Variants in ELP4 observed in about 807,000 individuals in gnomAD.
The protein encoded by ELP4 is elongator acetyltransferase complex subunit 4, also known as elongator complex protein 4.
Under a neutral mutation model 48.9 loss-of-function variants are expected in ELP4, and 51 were observed. The observed-to-expected ratio is 1.04, with a 90% CI of 0.83 to 1.32. The LOEUF is 1.32. Ranked by LOEUF, ELP4 falls within the 40% of genes most tolerant of loss-of-function variation. ELP4 has a pLI of 0.00. For missense variants in ELP4, 519 were observed against 514.6 expected (o/e 1.01, Z -0.08); for synonymous variants, 210 against 189.2 (o/e 1.11, Z -0.90).
Position 31,789,719 on chromosome 11 carries a change from G to A in ELP4, c.*6195G>A. 1.4e-6 allele frequency: 1 copy of A among 704,400 alleles called. No homozygotes were observed. Among genetic ancestry groups the A allele is most frequent in the Non-Finnish European group, 2.6e-6 (1 of 385,318 alleles). 43.6% of individuals were successfully genotyped at this position (704,400 alleles called of 1,614,324 possible). A position where few individuals can be genotyped will look rare whatever the true frequency, so the allele number is the denominator to read the frequency against. ...ATAAAAGTTTGGATACCAAAATGAAGATTTGTTCCAACTGATATCGTGCCT... is the reference window on the plus strand; with the variant it reads ...ATAAAAGTTTGGATACCAAAATGAAAATTTGTTCCAACTGATATCGTGCCT... On this transcript the variant is annotated 3_prime_UTR_variant, in exon 10 of 10. Coordinates refer to ENST00000640961, the MANE Select transcript of ELP4 (RefSeq NM_019040.5).
chr11:31,541,836 C>T (rs913605908), intron 3 of ELP4, among the ~76,000 whole-genome samples: 1 of 152,028 alleles, frequency 6.6e-6, no homozygotes, highest in Non-Finnish European at 1.5e-5. Flanking sequence ...GAAATATTAC[C>T]TTTTTCATCA....
At chr11:31,576,072 C>G (rs1000198370) in intron 3 of ELP4, among the ~76,000 whole-genome samples, 1 of 152,072 alleles carries the variant, frequency 6.6e-6, no homozygotes, top group Non-Finnish European at 1.5e-5. Flanking sequence ...CACACATAGG[C>G]TCAAAATAAA....
intron 9 of ELP4, among the ~76,000 whole-genome samples, chr11:31,768,887 A>T (rs150536451): frequency 2.0e-5 from 3 of 152,296 alleles, no homozygotes; most frequent in African/African-American, 7.2e-5. Flanking sequence ...GGGACGAAAG[A>T]GGACTAAATA....
At chr11:31,514,843 A>C (rs1363201320) in intron 1 of ELP4, among the ~76,000 whole-genome samples, 1 of 152,072 alleles carries the variant, frequency 6.6e-6, no homozygotes. Context: ...CATGGCTACA[A>C]ACATTCAAAC....
intron 4 of ELP4, among the ~76,000 whole-genome samples, chr11:31,601,904 A>G (rs1957791415): frequency 6.6e-6 from 1 of 151,964 alleles, no homozygotes; most frequent in Non-Finnish European, 1.5e-5. Flanking sequence ...ATTATAGCCA[A>G]ATCCTAGTCT....
At chr11:31,517,542 T>TA (rs1223524332) in intron 1 of ELP4, among the ~76,000 whole-genome samples, 3 of 152,184 alleles carry the variant, frequency 2.0e-5, no homozygotes, top group Non-Finnish European at 4.4e-5. Context: ...AGTTCTTTAT[T>TA]AGTGTTCTAA....
At chr11:31,528,836 G>A (rs1339950085) in intron 2 of ELP4, among the ~76,000 whole-genome samples, 1 of 152,112 alleles carries the variant, frequency 6.6e-6, no homozygotes, top group Non-Finnish European at 1.5e-5. Context: ...CTAATAGAAA[G>A]TTGGATTTTC....
intron 7 of ELP4, among the ~76,000 whole-genome samples, chr11:31,644,398 A>G (rs1227701705): frequency 1.3e-5 from 2 of 151,848 alleles, no homozygotes; most frequent in African/African-American, 4.8e-5. Context: ...ATTTCTATCT[A>G]TTAATATATA....
chr11:31,709,165 A>G (rs1219695658), intron 9 of ELP4, among the ~76,000 whole-genome samples: 1 of 152,168 alleles, frequency 6.6e-6, no homozygotes, highest in South Asian at 2.1e-4. Flanking sequence ...AAAATGGGCA[A>G]TTGCTGGTAT....
chr11:31,515,027 G>GTATATATA (rs1465007823), intron 1 of ELP4, among the ~76,000 whole-genome samples: 2 of 137,222 alleles, frequency 1.5e-5, no homozygotes, highest in African/African-American at 2.8e-5. Context: ...GTGTGTGTGT[G>GTATATATA]TGTGTGTATA....
At chr11:31,688,571 G>T (rs998927294) in intron 9 of ELP4, among the ~76,000 whole-genome samples, 6 of 152,098 alleles carry the variant, frequency 3.9e-5, no homozygotes, top group African/African-American at 1.2e-4. Flanking sequence ...TAATGTCAAA[G>T]ATTTCATGTA....
intron 9 of ELP4, among the ~76,000 whole-genome samples, chr11:31,719,104 T>G (rs1041773506): frequency 3.2e-4 from 48 of 151,746 alleles, no homozygotes; most frequent in African/African-American, 1.2e-3. Context: ...ACGCATAATT[T>G]AAAAATTAGC....
At chr11:31,512,793 C>A (rs1359312810) in intron 1 of ELP4, among the ~76,000 whole-genome samples, 3 of 144,572 alleles carry the variant, frequency 2.1e-5, no homozygotes, top group African/African-American at 5.1e-5. Context: ...TGCCCTCCGC[C>A]CCCCCTCCCC....
intron 9 of ELP4, among the ~76,000 whole-genome samples, chr11:31,723,486 GCA>G (rs1390906632): frequency 7.2e-5 from 11 of 152,190 alleles, no homozygotes; most frequent in Non-Finnish European, 1.6e-4. Context: ...ACCCTTCGAA[GCA>G]CAGTTTTCTG....
chr11:31,589,077 TAGAG>T (rs1446076734), intron 3 of ELP4, among the ~76,000 whole-genome samples: 1 of 152,154 alleles, frequency 6.6e-6, no homozygotes, highest in African/African-American at 2.4e-5. Context: ...ATAATAGGGA[TAGAG>T]AAAGATTAGC....
rs1957549335 is a variant in ELP4, at chr11:31,590,449, T to C, written c.382-4321T>C. 4.6e-5 allele frequency among the ~76,000 whole-genome samples: 7 copies of C among 152,252 alleles called. No homozygotes were observed. The South Asian group carries it at 8.3e-4, about 18-fold the overall frequency. On this transcript the variant is annotated intron_variant, in intron 3 of 9. Coordinates refer to ENST00000640961, the MANE Select transcript of ELP4 (RefSeq NM_019040.5). ...TGTATCAAAGAGCTAAATTTAAGAA[T>C]TAAAATCCTTAGAAGAAAACATAAG... is the stretch of plus-strand genomic sequence containing the variant.
intron 9 of ELP4, chr11:31,664,217 C>G (rs1945622427): frequency 6.6e-6 from 1 of 152,128 alleles, no homozygotes; most frequent in African/African-American, 2.4e-5. Context: ...GTTTTGTTGT[C>G]AGAGTAGTTC....
At position 31,783,459 on chromosome 11, in the gene ELP4, T is replaced by A. The variant is rs772193927; in HGVS notation, c.1210T>A (p.Ser404Thr). 6.2e-7 allele frequency: 1 copy of A among 1,614,180 alleles called. No individual in the cohort carries two copies. Among genetic ancestry groups the A allele is most frequent in the Non-Finnish European group, 8.5e-7 (1 of 1,179,990 alleles). Residue 404 changes from serine to threonine, a missense_variant, in exon 10 of 10, where the codon TCC becomes ACC. Transcript: ENST00000640961. ...SRSSKMDLAE[S>T]AKRLGPGCGM... is the part of the protein sequence containing the mutation. The stretch of plus-strand genomic sequence containing the variant: ...CTCAAGCAAAATGGATCTGGCAGAA[T>A]CCGCCAAGCGGCTGGGCCCAGGCTG...
chr11:31,569,524 G>A (rs1165634154), intron 3 of ELP4, among the ~76,000 whole-genome samples: 1 of 152,188 alleles, frequency 6.6e-6, no homozygotes, highest in African/African-American at 2.4e-5. Context: ...GCCGAGGTGA[G>A]TGGATTACCT....
Sources: allele counts gnomAD v4.1 joint callset (sites outside exome capture counted in the v4.1 genomes callset), GRCh38; gene constraint gnomAD v4.1.1; transcripts MANE v1.5; gene names NCBI Gene and HGNC (gene_info 2026-07-23, HGNC 2026-07-21).